Variants in SPINK14 observed in about 807,000 individuals in gnomAD.
SPINK14 encodes the protein serine protease inhibitor Kazal-type 14.
In SPINK14, 6 loss-of-function variants were observed where a neutral mutation model predicts 14.2. The ratio of observed to expected loss-of-function variants is 0.42; its 90% CI spans 0.23 to 0.83. The LOEUF is 0.83. Ranked by LOEUF, SPINK14 falls within the 40% of genes least tolerant of loss-of-function variation. The pLI is 0.28. For synonymous variants in SPINK14, 34 were observed against 36.8 expected (o/e 0.92, Z 0.27); for missense variants, 86 against 108.3 (o/e 0.79, Z 0.91).
Position 148,173,300 on chromosome 5 carries a change from T to C in SPINK14, c.112-934T>C, listed in dbSNP as rs1240349508. Among the ~76,000 whole-genome samples, 4 of 152,114 alleles carry C rather than the reference T, an allele frequency of 2.6e-5. No homozygotes were observed. The East Asian group carries it at 7.7e-4, about 29-fold the overall frequency. ...TCAAGCTTCATAATCCCAGAGTCAC[T>C]ACTTCAATTCATCACCAGCACCAGC... On this transcript the variant is annotated intron_variant, in intron 3 of 4. Coordinates refer to ENST00000356972, the MANE Select transcript of SPINK14 (RefSeq NM_001001325.2).
At position 148,169,789 on chromosome 5, in the gene SPINK14, G is replaced by A. The variant is rs1755076231; in HGVS notation, c.57G>A (p.Val19=). The change falls in exon 2 of 5, where the codon GTG becomes GTA. Residue 19 remains valine (V), a synonymous_variant. Coordinates refer to ENST00000356972, the MANE Select transcript of SPINK14 (RefSeq NM_001001325.2). ...SLLSFILIHL[V]LSSVSGPRHW... ...TGTCCTTTATCTTGATACATTTGGT[G>A]TTATCTTCTGGTGAGTAATTTAGCT... 6.2e-7 allele frequency: 1 copy of A among 1,610,594 alleles called. No individual in the cohort carries two copies. The highest frequency in any genetic ancestry group is 1.7e-4 in the Middle Eastern group (1 of 6,042).
chr5:148,170,500 A>C (rs1036005639), intron 2 of SPINK14, among the ~76,000 whole-genome samples: 3 of 152,160 alleles, frequency 2.0e-5, no homozygotes, highest in Non-Finnish European at 2.9e-5. Flanking sequence ...CAAGGGCTGC[A>C]GAGCTTGCTT....
intron 4 of SPINK14, among the ~76,000 whole-genome samples, chr5:148,174,876 T>C (rs1755147401): frequency 1.3e-5 from 2 of 152,138 alleles, no homozygotes; most frequent in African/African-American, 4.8e-5. Flanking sequence ...GCTTTCAGCT[T>C]TGATTCCTAT....
intron 1 of SPINK14, among the ~76,000 whole-genome samples, chr5:148,168,984 T>C (rs1031448612): frequency 6.6e-6 from 1 of 152,178 alleles, no homozygotes; most frequent in African/African-American, 2.4e-5. Context: ...ATGTGGTCCT[T>C]GGTCAGGCCC....
intron 2 of SPINK14, among the ~76,000 whole-genome samples, chr5:148,170,173 TACACACAC>T (rs376416343): frequency 7.5e-6 from 1 of 133,848 alleles, no homozygotes; most frequent in African/African-American, 2.9e-5. Context: ...TATATATATA[TACACACAC>T]ACACACACAC....
intron 2 of SPINK14, among the ~76,000 whole-genome samples, chr5:148,170,167 T>C (rs1312063715): frequency 3.8e-4 from 38 of 99,246 alleles, no homozygotes; most frequent in African/African-American, 1.0e-3. Context: ...AGTATATATA[T>C]ATATATACAC....
chr5:148,168,746 AG>A (rs1755063085), intron 1 of SPINK14, among the ~76,000 whole-genome samples, 179 bp downstream of exon 1: 1 of 152,120 alleles, frequency 6.6e-6, no homozygotes, highest in South Asian at 2.1e-4. Flanking sequence ...TGCCAGGAGT[AG>A]GCATGGTAGG....
intron 4 of SPINK14, 93 bp from the exon 5 acceptor site, chr5:148,175,260 A>T: frequency 1.2e-6 from 1 of 831,360 alleles, no homozygotes; most frequent in Non-Finnish European, 1.9e-6. Context: ...TTCCAAATAT[A>T]AAACCAGGTT....
chr5:148,170,238 A>C (rs1043187768), intron 2 of SPINK14, among the ~76,000 whole-genome samples: 13 of 151,114 alleles, frequency 8.6e-5, no homozygotes, highest in Admixed American at 3.3e-4. Flanking sequence ...TAAAAGACTG[A>C]TTCAATGGGC....
chr5:148,172,784 G>A (rs1427106364), intron 3 of SPINK14, among the ~76,000 whole-genome samples: 1 of 106,330 alleles, frequency 9.4e-6, no homozygotes, highest in East Asian at 2.3e-4. Context: ...AAATATATTT[G>A]GTGGGGTGGT....
At chr5:148,172,248 G>T (rs530653437) in intron 3 of SPINK14, among the ~76,000 whole-genome samples, 1 of 152,092 alleles carries the variant, frequency 6.6e-6, no homozygotes, top group Non-Finnish European at 1.5e-5. Flanking sequence ...GGTGAAGAGG[G>T]GGGAGAAAGA....
chr5:148,173,153 T>TTTTTTTTTTTTTTTTTTTTTG (rs1554110003), intron 3 of SPINK14, among the ~76,000 whole-genome samples: 1 of 152,018 alleles, frequency 6.6e-6, no homozygotes, highest in Non-Finnish European at 1.5e-5. Flanking sequence ...GAGGAATTTC[T>TTTTTTTTTTTTTTTTTTTTTG]AAGTTAAAAC....
Position 148,174,309 on chromosome 5 carries a change from C to G in SPINK14, c.187C>G (p.Pro63Ala). The G allele has an allele frequency of 4.5e-6, 5 of 1,113,440 alleles. 1 individual carries two copies. The highest frequency in any genetic ancestry group is 6.2e-6 in the Non-Finnish European group (5 of 810,258). 69.0% of individuals were successfully genotyped at this position (1,113,440 alleles called of 1,614,324 possible). The change falls in exon 4 of 5, where the codon CCC becomes GCC. Residue 63 changes from proline to alanine, a missense_variant. Pro to Ala is a conservative substitution (Grantham distance 27). Transcript: ENST00000356972. ...CAACCCCTGCCCTGGCTTATATCAA[C>G]CCATCTGCGGCACCAATTTTATAAC... ...TVNPCPGLYQ[P>A]ICGTNFITYD...
At chr5:148,170,909 C>A (rs1755095785) in intron 2 of SPINK14, 21 bp from the exon 3 acceptor site, 1 of 1,604,974 alleles carries the variant, frequency 6.2e-7, no homozygotes, top group South Asian at 1.1e-5. Context: ...AATTCTGTAA[C>A]TATTTTCATG....
Position 148,170,915 on chromosome 5 carries a change from T to C in SPINK14, c.68-15T>C, listed in dbSNP as rs2113280713. ...CAGGAATTAAATTCTGTAACTATTT[T>C]CATGTATTCTCTAGTTTCAGGCCCT... On this transcript the variant is annotated splice_polypyrimidine_tract_variant and intron_variant, in intron 2 of 4. Transcript: ENST00000356972. 2 of 1,607,336 alleles carry C rather than the reference T, an allele frequency of 1.2e-6. No homozygotes were observed. Among genetic ancestry groups the C allele is most frequent in the Non-Finnish European group, 1.7e-6 (2 of 1,174,488 alleles).
At position 148,175,418 on chromosome 5, in the gene SPINK14, G is replaced by T; in HGVS notation, c.*20G>T. 1 of 1,557,020 alleles carries T rather than the reference G, an allele frequency of 6.4e-7. No homozygotes were observed. The highest frequency in any genetic ancestry group is 8.7e-7 in the Non-Finnish European group (1 of 1,147,888). ...TGTTAGCTGAGTGGACTTGAATGTG[G>T]AAGATATCTTCTTTTTTTTTTCCTC... On this transcript the variant is annotated 3_prime_UTR_variant, in exon 5 of 5. Coordinates refer to ENST00000356972, the MANE Select transcript of SPINK14 (RefSeq NM_001001325.2).
At chr5:148,169,828 A>G in intron 2 of SPINK14, 29 bp downstream of exon 2, 3 of 1,586,808 alleles carry the variant, frequency 1.9e-6, no homozygotes, top group Non-Finnish European at 2.6e-6. Context: ...CTTGGCCAGC[A>G]GTTGAAATTG....
intron 3 of SPINK14, among the ~76,000 whole-genome samples, chr5:148,171,194 C>G (rs1755101663): frequency 6.6e-6 from 1 of 152,128 alleles, no homozygotes; most frequent in South Asian, 2.1e-4. Context: ...CCAGAGAACC[C>G]TCTTTAGTGC....
chr5:148,175,282 AT>A (rs1362958714), intron 4 of SPINK14, 70 bp from the exon 5 acceptor site: 2 of 1,005,802 alleles, frequency 2.0e-6, no homozygotes, highest in African/African-American at 3.3e-5. Flanking sequence ...TAGATAGATA[AT>A]TTTAAAAGTA....
Sources: allele counts gnomAD v4.1 joint callset (sites outside exome capture counted in the v4.1 genomes callset), GRCh38; gene constraint gnomAD v4.1.1; transcripts MANE v1.5; gene names NCBI Gene and HGNC (gene_info 2026-07-23, HGNC 2026-07-21).